Variants in UNC79 observed in about 807,000 individuals in gnomAD.
UNC79 encodes the protein protein unc-79 homolog.
UNC79 carries 37 observed loss-of-function variants against 283.1 expected under a neutral mutation model. That is an observed-to-expected ratio of 0.13 (90% CI 0.10 to 0.17). The LOEUF (loss-of-function observed/expected upper bound fraction) is 0.17. Among genes scored for constraint, UNC79 ranks in the 10% least tolerant of loss-of-function variants. UNC79 has a pLI of 1.00. For synonymous variants in UNC79, 1,107 were observed against 1,200.2 expected, an observed-to-expected ratio of 0.92 and a Z score of 1.61; for missense variants, 2,272 against 3,211.1, an observed-to-expected ratio of 0.71 and a Z score of 7.07.
rs777549057 is a variant in UNC79 at position 93,688,679 on chromosome 14, A to G, written c.6924A>G (p.Thr2308=). The change falls in exon 44 of 49, where the codon ACA becomes ACG. Residue 2308 remains threonine (T), a synonymous_variant. Transcript: ENST00000555664. The surrounding 1 kb of genome is among the most constrained non-coding windows in gnomAD (Gnocchi z 4.0). ...CGGTTTTGTAGAGCCACATGAAGAC[A>G]TGTTCCCAGCCTCTGCATGAAGATA... 6.2e-7 allele frequency: 1 copy of G among 1,613,818 alleles called. No individual in the cohort carries two copies. The highest frequency in any genetic ancestry group is 8.5e-7 in the Non-Finnish European group (1 of 1,179,848).
chr14:93,653,713 C>T (rs781059454), intron 35 of UNC79, 29 bp from the exon 39 acceptor site: 42 of 1,593,784 alleles, frequency 2.6e-5, no homozygotes, highest in Middle Eastern at 1.9e-4. Context: ...CCCATGACTT[C>T]GTGTCTTTTC....
At chr14:93,406,536 T>C (rs1457174161) in intron 1 of UNC79, among the ~76,000 whole-genome samples, 2 of 152,164 alleles carry the variant, frequency 1.3e-5, no homozygotes, top group African/African-American at 2.4e-5. Context: ...CACAGTGAAC[T>C]ATAATCATGC....
At chr14:93,655,114 A>C in intron 37 of UNC79, 120 bp from the exon 41 acceptor site, 1 of 1,049,686 alleles carries the variant, frequency 9.5e-7, no homozygotes, top group East Asian at 2.5e-5. Flanking sequence ...TGGCCTATGT[A>C]GTAGGCACTG....
intron 15 of UNC79, 147 bp from the exon 16 acceptor site, chr14:93,572,546 G>A: frequency 2.6e-6 from 3 of 1,161,394 alleles, no homozygotes; most frequent in South Asian, 1.7e-5. Context: ...TTACAGTAAA[G>A]TGAAATATGC....
intron 27 of UNC79, among the ~76,000 whole-genome samples, chr14:93,614,892 C>T (rs890823467): frequency 6.6e-6 from 1 of 152,118 alleles, no homozygotes; most frequent in Non-Finnish European, 1.5e-5. Context: ...GTATACACAC[C>T]GTATCAGCCA....
chr14:93,414,462 A>G (rs1396257652), intron 1 of UNC79, among the ~76,000 whole-genome samples: 1 of 152,186 alleles, frequency 6.6e-6, no homozygotes, highest in African/African-American at 2.4e-5. Flanking sequence ...AGGTAGCATG[A>G]TGCCTCCAGC....
intron 1 of UNC79, among the ~76,000 whole-genome samples, chr14:93,344,303 T>A (rs2053777906): frequency 6.6e-6 from 1 of 152,234 alleles, no homozygotes; most frequent in Non-Finnish European, 1.5e-5. Flanking sequence ...ATATCGTCTT[T>A]CTTAAAGCTC....
At chr14:93,598,908 C>T (rs1185217033) in intron 24 of UNC79, among the ~76,000 whole-genome samples, 5 of 152,138 alleles carry the variant, frequency 3.3e-5, no homozygotes, top group African/African-American at 1.2e-4. Flanking sequence ...GCCAAAGAGA[C>T]AAGAAATATG....
intron 47 of UNC79, among the ~76,000 whole-genome samples, chr14:93,701,080 T>A (rs1295283828): frequency 1.3e-5 from 2 of 152,160 alleles, no homozygotes; most frequent in African/African-American, 4.8e-5. Context: ...CCAGGGCTCC[T>A]GGCTACCTCT....
At chr14:93,455,912 T>TTGTGTGTGTGTGTGTG (rs10654684) in intron 1 of UNC79, among the ~76,000 whole-genome samples, 1 of 144,128 alleles carries the variant, frequency 6.9e-6, no homozygotes, top group South Asian at 2.3e-4. Flanking sequence ...GTACAATGGA[T>TTGTGTGTGTGTGTGTG]TGTGTGTGTG....
chr14:93,412,978 C>CA (rs888368498), intron 1 of UNC79, among the ~76,000 whole-genome samples: 6 of 151,926 alleles, frequency 3.9e-5, no homozygotes, highest in East Asian at 3.9e-4. Context: ...GTTAAGTACA[C>CA]AAAAAAACAC....
chr14:93,582,840 C>T (rs187985935), intron 20 of UNC79, among the ~76,000 whole-genome samples: 5 of 152,150 alleles, frequency 3.3e-5, no homozygotes, highest in Admixed American at 1.3e-4. Context: ...GGCAGATAGG[C>T]TCAGGAATCG....
intron 1 of UNC79, among the ~76,000 whole-genome samples, chr14:93,443,188 C>T (rs908447794): frequency 2.0e-5 from 3 of 151,608 alleles, no homozygotes; most frequent in African/African-American, 7.3e-5. Flanking sequence ...TGCGCCACTG[C>T]ACTCCAGCCT....
At chr14:93,540,712 C>G (rs370584357) in exon 13 of UNC79, 2 of 1,613,772 alleles carry the variant, frequency 1.2e-6, no homozygotes, top group African/African-American at 1.3e-5. Context: ...TGAGCTGAAC[C>G]GGCGGCGGCA....
Position 93,497,983 on chromosome 14 carries a change from T to TA in UNC79, c.898+707dup, listed in dbSNP as rs200514460. On this transcript the variant is annotated intron_variant, in intron 7 of 48. Transcript: ENST00000555664. ...CCTGGCTACAGAGCGAGATTCTGTC[T>TA]AAAAAAAAAATTAAGTGACCCCGAT... Among the ~76,000 whole-genome samples the TA allele has an allele frequency of 1.2e-4, 18 of 148,140 alleles. No individual in the cohort carries two copies. In the East Asian group the frequency reaches 2.4e-3, roughly 19 times the overall value.
chr14:93,440,357 T>C (rs1168887025), intron 1 of UNC79, among the ~76,000 whole-genome samples: 1 of 152,086 alleles, frequency 6.6e-6, no homozygotes, highest in Non-Finnish European at 1.5e-5. Context: ...TAGTGGTTTG[T>C]CTATTTTGTC....
chr14:93,338,479 A>G (rs1428673714), intron 1 of UNC79, among the ~76,000 whole-genome samples: 1 of 152,226 alleles, frequency 6.6e-6, no homozygotes, highest in African/African-American at 2.4e-5. Flanking sequence ...ACACATACAC[A>G]GTGGGGGAAA....
chr14:93,417,859 G>C (rs994061750), intron 1 of UNC79, among the ~76,000 whole-genome samples: 1 of 151,752 alleles, frequency 6.6e-6, no homozygotes, highest in African/African-American at 2.4e-5. Context: ...TCGAGCCTTG[G>C]CTTTCAGCTC....
chr14:93,696,565 C>G, intron 47 of UNC79, among the ~76,000 whole-genome samples: 1 of 152,160 alleles, frequency 6.6e-6, no homozygotes, highest in Non-Finnish European at 1.5e-5. Context: ...TTCCTGTTTG[C>G]TAATGACATT....
Sources: allele counts gnomAD v4.1 joint callset (sites outside exome capture counted in the v4.1 genomes callset), GRCh38; gene constraint gnomAD v4.1.1; non-coding constraint Gnocchi (gnomAD v3.1); transcripts MANE v1.5; gene names NCBI Gene and HGNC (gene_info 2026-07-23, HGNC 2026-07-21).